FLI1: variants seen among roughly 807,000 people sequenced by gnomAD.
FLI1 encodes Friend leukemia integration 1 transcription factor.
A neutral mutation model predicts 53.1 loss-of-function variants in FLI1; 13 were observed. That is an observed-to-expected ratio of 0.24 (90% CI 0.16 to 0.39). The LOEUF (loss-of-function observed/expected upper bound fraction) is 0.39, where lower values mean the gene tolerates loss of function less well. Among genes scored for constraint, FLI1 ranks in the 10% least tolerant of loss-of-function variants. FLI1 has a pLI of 1.00. For missense variants in FLI1, 424 were observed against 600.5 expected, an observed-to-expected ratio of 0.71 and a Z score of 3.07; for synonymous variants, 244 against 236.7, an observed-to-expected ratio of 1.03 and a Z score of -0.28.
intron 1 of FLI1, among the ~76,000 whole-genome samples, chr11:128,749,587 A>C (rs1426638405): frequency 2.0e-5 from 3 of 152,220 alleles, no homozygotes; most frequent in African/African-American, 7.2e-5. Context: ...TGAGGCAATC[A>C]TAAAGTTCCA....
intron 2 of FLI1, among the ~76,000 whole-genome samples, chr11:128,758,563 TAGG>T (rs1258776015): frequency 1.3e-5 from 2 of 152,132 alleles, no homozygotes; most frequent in Non-Finnish European, 2.9e-5. Context: ...AGAGGCCAGG[TAGG>T]AGTCAGGCCC....
upstream of FLI1, among the ~76,000 whole-genome samples, chr11:128,685,410 G>C (rs778077473): frequency 6.6e-6 from 1 of 152,246 alleles, no homozygotes; most frequent in Non-Finnish European, 1.5e-5. Flanking sequence ...TGGGGGCGAT[G>C]CAGGGTCGGG....
At chr11:128,756,347 C>T (rs1940858787) in intron 1 of FLI1, among the ~76,000 whole-genome samples, 1 of 152,104 alleles carries the variant, frequency 6.6e-6, no homozygotes, top group Admixed American at 6.5e-5. Context: ...GCACACACTC[C>T]CCTGGGGGCT....
intron 1 of FLI1, among the ~76,000 whole-genome samples, chr11:128,717,160 C>T (rs554568756): frequency 6.6e-6 from 1 of 152,208 alleles, no homozygotes; most frequent in East Asian, 1.9e-4. Context: ...TGCTTCCTCC[C>T]ACTTCAGCTT....
At chr11:128,718,823 A>G (rs1939127113) in intron 1 of FLI1, among the ~76,000 whole-genome samples, 1 of 152,030 alleles carries the variant, frequency 6.6e-6, no homozygotes, top group East Asian at 1.9e-4. Flanking sequence ...GGAGGTGCAG[A>G]CTCGGTGAGA....
At chr11:128,718,199 C>T (rs756586536) in intron 1 of FLI1, among the ~76,000 whole-genome samples, 5 of 152,166 alleles carry the variant, frequency 3.3e-5, no homozygotes, top group East Asian at 3.8e-4. Flanking sequence ...CTATCATGTC[C>T]GTTAATCCAT....
chr11:128,731,741 G>A (rs1461353562), intron 1 of FLI1, among the ~76,000 whole-genome samples: 1 of 152,112 alleles, frequency 6.6e-6, no homozygotes, highest in African/African-American at 2.4e-5. Context: ...CAGCGGCTCA[G>A]GCCTGTAATC....
At chr11:128,714,266 G>T (rs901158443) in intron 1 of FLI1, among the ~76,000 whole-genome samples, 5 of 151,350 alleles carry the variant, frequency 3.3e-5, no homozygotes, top group African/African-American at 1.2e-4. Context: ...AAGATGCGCT[G>T]GCTGGCGCCG....
In FLI1 at chr11:128,768,139, C is replaced by A. The variant is rs146694829; in HGVS notation, c.252C>A (p.Ser84Arg). Reference protein sequence around the residue: ...NGSRESPVDCSVSKCSKLVGG... With the variant: ...NGSRESPVDCRVSKCSKLVGG... ...TTAGGGAGTCTCCGGTGGACTGCAGCGTTAGCAAATGCAGCAAGCTGGTGG... is the reference window on the plus strand; with the variant it reads ...TTAGGGAGTCTCCGGTGGACTGCAGAGTTAGCAAATGCAGCAAGCTGGTGG... Residue 84 changes from serine (S) to arginine (R), a missense_variant, in exon 3 of 9, where the codon AGC (serine) becomes AGA (arginine). Ser to Arg is a moderately radical substitution (Grantham distance 110, BLOSUM62 -1). Coordinates refer to ENST00000527786, the MANE Select transcript of FLI1 (RefSeq NM_002017.5). The A allele has an allele frequency of 8.1e-6, 13 of 1,613,414 alleles. No homozygotes were observed. The highest frequency in any genetic ancestry group is 2.7e-5 in the African/African-American group (2 of 75,010).
Position 128,788,547 on chromosome 11 carries a change from G to A in FLI1, c.655+6524G>A, listed in dbSNP as rs577901261. 8.5e-5 allele frequency among the ~76,000 whole-genome samples: 13 copies of A among 152,172 alleles called. No homozygotes were observed. In the East Asian group the frequency reaches 1.5e-3, roughly 18 times the overall value. ...AGGAAATATAAAACTGCATGTAATC[G>A]AAAAACAACAATGCATGCTACACAC... On this transcript the variant is annotated intron_variant, in intron 5 of 8. Coordinates refer to ENST00000527786, the MANE Select transcript of FLI1 (RefSeq NM_002017.5).
At chr11:128,701,573 C>T (rs1436227735) in intron 1 of FLI1, among the ~76,000 whole-genome samples, 1 of 152,180 alleles carries the variant, frequency 6.6e-6, no homozygotes, top group African/African-American at 2.4e-5. Context: ...CTCATCCCTA[C>T]AAAAATGAAG....
chr11:128,783,147 G>C (rs1941973519), intron 5 of FLI1, among the ~76,000 whole-genome samples: 1 of 152,140 alleles, frequency 6.6e-6, no homozygotes, highest in African/African-American at 2.4e-5. Flanking sequence ...ATATAAGAAA[G>C]GCAGAAGTTC....
At chr11:128,765,224 G>A (rs577045970) in intron 2 of FLI1, among the ~76,000 whole-genome samples, 2 of 152,232 alleles carry the variant, frequency 1.3e-5, no homozygotes, top group Admixed American at 6.5e-5. Flanking sequence ...TCCTTACAAG[G>A]TCACGTGTTA....
At chr11:128,693,649 C>A, upstream of FLI1, 1 of 230,178 alleles carries the variant, frequency 4.3e-6, no homozygotes, top group Non-Finnish European at 8.6e-6. Context: ...AGCAAAGAAG[C>A]CAAAGGTCTT....
chr11:128,788,693 T>C (rs1231219852), intron 5 of FLI1, among the ~76,000 whole-genome samples: 4 of 152,088 alleles, frequency 2.6e-5, no homozygotes, highest in Admixed American at 6.5e-5. Context: ...GACCCAGCCA[T>C]GGTCACACAG....
chr11:128,781,084 G>C (rs751757979), intron 4 of FLI1, among the ~76,000 whole-genome samples: 19 of 152,290 alleles, frequency 1.2e-4, no homozygotes, highest in Middle Eastern at 3.4e-3. Context: ...GTACAGAAGA[G>C]GTATGAATTG....
intron 1 of FLI1, among the ~76,000 whole-genome samples, chr11:128,737,188 G>A (rs77413856): frequency 6.6e-6 from 1 of 152,128 alleles, no homozygotes; most frequent in Non-Finnish European, 1.5e-5. Context: ...CTCAGTGGGA[G>A]CAGGACACAG....
In FLI1 at chr11:128,811,016, T is replaced by C. The variant is rs1466909411; in HGVS notation, c.*28T>C. 19 of 1,609,898 alleles carry C rather than the reference T, an allele frequency of 1.2e-5. No individual in the cohort carries two copies. Among genetic ancestry groups the C allele is most frequent in the Non-Finnish European group, 1.6e-5 (19 of 1,176,360 alleles). On this transcript the variant is annotated 3_prime_UTR_variant, in exon 9 of 9. Transcript: ENST00000527786. Reference sequence around the variant, plus strand: ...GCTTACTCATCAGTGGCCTTCTAGCTGAAGCCCATCCTGCACACTTACTGG... The same window carrying C: ...GCTTACTCATCAGTGGCCTTCTAGCCGAAGCCCATCCTGCACACTTACTGG...
intron 5 of FLI1, among the ~76,000 whole-genome samples, chr11:128,803,228 A>C (rs537402283): frequency 6.7e-6 from 1 of 149,148 alleles, no homozygotes; most frequent in Non-Finnish European, 1.5e-5. Context: ...CCTCAGATCC[A>C]CCCCACATAC....
Sources: gnomAD v4.1 joint callset for allele counts (sites outside exome capture counted in the v4.1 genomes callset) on GRCh38, gnomAD v4.1.1 for gene constraint, MANE v1.5 for transcripts, NCBI Gene and HGNC (gene_info 2026-07-23, HGNC 2026-07-21) for gene names.